The following PCOLCE2 variants were observed in gnomAD, a reference collection of about 807,000 sequenced individuals.
PCOLCE2 encodes the protein procollagen C-proteinase enhancer 2.
In PCOLCE2, 42 loss-of-function variants were observed where a neutral mutation model predicts 47.0. The ratio of observed to expected loss-of-function variants is 0.89; its 90% CI spans 0.70 to 1.16. The LOEUF (loss-of-function observed/expected upper bound fraction) is 1.16. Among genes scored for constraint, PCOLCE2 ranks in the 50% most tolerant of loss-of-function variants. PCOLCE2 has a pLI of 0.00. For missense variants in PCOLCE2, 500 were observed against 526.1 expected (o/e 0.95, Z 0.49); for synonymous variants, 169 against 191.7 (o/e 0.88, Z 0.98).
At chr3:142,865,041 G>A (rs887779422) in intron 2 of PCOLCE2, among the ~76,000 whole-genome samples, 4 of 152,032 alleles carry the variant, frequency 2.6e-5, no homozygotes, top group East Asian at 3.8e-4. Flanking sequence ...TATGGTAAAT[G>A]TTTAACTTTA....
intron 2 of PCOLCE2, among the ~76,000 whole-genome samples, chr3:142,857,501 G>A (rs957112868): frequency 6.6e-6 from 1 of 152,148 alleles, no homozygotes; most frequent in African/African-American, 2.4e-5. Flanking sequence ...GCCCATCCTA[G>A]ATTATTTTAA....
chr3:142,829,688 T>C lies in PCOLCE2; in HGVS notation c.865+4A>G. The C allele has an allele frequency of 6.4e-7, 1 of 1,564,874 alleles. No individual in the cohort carries two copies. Among genetic ancestry groups the C allele is most frequent in the African/African-American group, 1.4e-5 (1 of 73,400 alleles). ...TGCACAAACTTCCAAACAGGAAAACTTACCCGTGGTTACAGGGAATGTGGT... is the reference window on the plus strand; with the variant it reads ...TGCACAAACTTCCAAACAGGAAAACCTACCCGTGGTTACAGGGAATGTGGT... On this transcript the variant is annotated splice_donor_region_variant and intron_variant, in intron 6 of 8. Coordinates refer to ENST00000295992, the MANE Select transcript of PCOLCE2 (RefSeq NM_013363.4).
intron 5 of PCOLCE2, among the ~76,000 whole-genome samples, chr3:142,832,041 C>T (rs772525508): frequency 3.3e-5 from 5 of 152,222 alleles, no homozygotes; most frequent in South Asian, 2.1e-4. Context: ...ATCCCAAGAA[C>T]GGACTGAGAT....
intron 2 of PCOLCE2, among the ~76,000 whole-genome samples, chr3:142,856,320 G>C (rs1933056913): frequency 6.6e-6 from 1 of 152,178 alleles, no homozygotes; most frequent in African/African-American, 2.4e-5. Context: ...TCGAGCCCCT[G>C]TTATCACCTC....
chr3:142,856,563 G>A (rs1382361877), intron 2 of PCOLCE2, among the ~76,000 whole-genome samples: 2 of 152,186 alleles, frequency 1.3e-5, no homozygotes, highest in Admixed American at 1.3e-4. Flanking sequence ...AGTCTGCCAA[G>A]TGGAAAGGCA....
chr3:142,830,775 A>C (rs1937142696), intron 5 of PCOLCE2, among the ~76,000 whole-genome samples: 1 of 152,264 alleles, frequency 6.6e-6, no homozygotes, highest in African/African-American at 2.4e-5. Flanking sequence ...CTGTCTGATT[A>C]ATTCTGTTTA....
chr3:142,860,109 C>T (rs1161670656), intron 2 of PCOLCE2, among the ~76,000 whole-genome samples: 1 of 152,194 alleles, frequency 6.6e-6, no homozygotes, highest in African/African-American at 2.4e-5. Flanking sequence ...TTTTTAACAG[C>T]AATGGGAAAT....
chr3:142,870,648 G>C (rs113836462), intron 2 of PCOLCE2, among the ~76,000 whole-genome samples: 389 of 151,672 alleles, frequency 2.6e-3, no homozygotes, highest in Non-Finnish European at 4.9e-3. Context: ...TGATACACCA[G>C]AGCAAGCCAT....
intron 2 of PCOLCE2, among the ~76,000 whole-genome samples, chr3:142,854,245 G>T (rs527620803): frequency 4.9e-4 from 75 of 151,910 alleles, no homozygotes; most frequent in South Asian, 2.1e-3. Context: ...AATCTTCTAC[G>T]ATTTCCCTCT....
rs192414829 is a variant in PCOLCE2 at position 142,836,133 on chromosome 3, G to A, written c.710+2637C>T. On this transcript the variant is annotated intron_variant, in intron 5 of 8. Coordinates refer to ENST00000295992, the MANE Select transcript of PCOLCE2 (RefSeq NM_013363.4). ...TGACCTGTTTTTTTGGGGACAGTCAGGTAGTGTAAATTCTAACCCCAAATG... is the reference window on the plus strand; with the variant it reads ...TGACCTGTTTTTTTGGGGACAGTCAAGTAGTGTAAATTCTAACCCCAAATG... 1.7e-3 allele frequency among the ~76,000 whole-genome samples: 258 copies of A among 152,338 alleles called. 3 individuals carry two copies. Among genetic ancestry groups the A allele is most frequent in the African/African-American group, 5.8e-3 (240 of 41,576 alleles).
intron 2 of PCOLCE2, among the ~76,000 whole-genome samples, chr3:142,871,884 A>G (rs1224487841): frequency 1.3e-5 from 2 of 152,184 alleles, no homozygotes; most frequent in Non-Finnish European, 2.9e-5. Context: ...ACATTTATAT[A>G]TCTACATCTC....
chr3:142,857,138 T>C (rs1309890728), intron 2 of PCOLCE2, among the ~76,000 whole-genome samples: 2 of 152,190 alleles, frequency 1.3e-5, no homozygotes, highest in Non-Finnish European at 2.9e-5. Flanking sequence ...AACCAGCTGG[T>C]GCGAGCCTGG....
At chr3:142,853,098 GT>G (rs1932984093) in intron 2 of PCOLCE2, among the ~76,000 whole-genome samples, 1 of 132,176 alleles carries the variant, frequency 7.6e-6, no homozygotes, top group Non-Finnish European at 1.6e-5. Context: ...GAGAGACCCT[GT>G]TTAAAAAAAA....
chr3:142,888,980 C>CGCTCACACCGGCAGCAGCGCTG lies in PCOLCE2; in HGVS notation c.-85_-84insCAGCGCTGCTGCCGGTGTGAGC. 1 of 514,054 alleles carries CGCTCACACCGGCAGCAGCGCTG rather than the reference C, an allele frequency of 1.9e-6. No individual in the cohort carries two copies. Among genetic ancestry groups the CGCTCACACCGGCAGCAGCGCTG allele is most frequent in the Non-Finnish European group, 3.2e-6 (1 of 316,242 alleles). The allele number at this position is 514,054 out of a possible 1,614,324, so 31.8% of individuals were successfully genotyped here. A position where few individuals can be genotyped will look rare whatever the true frequency, so the allele number is the denominator to read the frequency against. ...TCCGCACCCACCGCGCTCACACCGCCGCTCACACTGGCAGCAGCGCTGGCT... is the reference window on the plus strand; with the variant it reads ...TCCGCACCCACCGCGCTCACACCGCCGCTCACACCGGCAGCAGCGCTGGCTCACACTGGCAGCAGCGCTGGCT... On this transcript the variant is annotated 5_prime_UTR_variant, in exon 1 of 9. Coordinates refer to ENST00000295992, the MANE Select transcript of PCOLCE2 (RefSeq NM_013363.4).
At chr3:142,854,742 A>G (rs941262873) in intron 2 of PCOLCE2, among the ~76,000 whole-genome samples, 3 of 152,206 alleles carry the variant, frequency 2.0e-5, no homozygotes, top group Non-Finnish European at 1.5e-5. Flanking sequence ...TGCACTTAGA[A>G]TAAAATCTTC....
At chr3:142,860,450 TTTTG>T (rs1328804748) in intron 2 of PCOLCE2, among the ~76,000 whole-genome samples, 2 of 152,146 alleles carry the variant, frequency 1.3e-5, no homozygotes, top group East Asian at 1.9e-4. Context: ...GTTGTTGTTG[TTTTG>T]TTTGATTGCA....
At position 142,823,522 on chromosome 3, in the gene PCOLCE2, T is replaced by C. The variant is rs750063675; in HGVS notation, c.949+10A>G. 1.3e-6 allele frequency: 2 copies of C among 1,555,516 alleles called. No homozygotes were observed. The highest frequency in any genetic ancestry group is 1.7e-5 in the Admixed American group (1 of 58,266). On this transcript the variant is annotated intron_variant, in intron 7 of 8. Transcript: ENST00000295992. ...GGTTAAAGAGAAAAAGACTGGCTTT[T>C]ATTTCTTACCAAAGTCACTTGAACA... is the stretch of plus-strand genomic sequence containing the variant.
intron 2 of PCOLCE2, among the ~76,000 whole-genome samples, chr3:142,850,711 AG>A (rs1258890972): frequency 1.3e-5 from 2 of 152,208 alleles, no homozygotes; most frequent in African/African-American, 4.8e-5. Context: ...ACTGGATAAA[AG>A]GATCATGAGA....
At chr3:142,825,475 C>T (rs1282825556) in intron 6 of PCOLCE2, among the ~76,000 whole-genome samples, 1 of 152,150 alleles carries the variant, frequency 6.6e-6, no homozygotes, top group Non-Finnish European at 1.5e-5. Flanking sequence ...ATCCCGCAGT[C>T]CCCGTGGCCT....
Sources: gnomAD v4.1 joint callset for allele counts (sites outside exome capture counted in the v4.1 genomes callset) on GRCh38, gnomAD v4.1.1 for gene constraint, MANE v1.5 for transcripts, NCBI Gene and HGNC (gene_info 2026-07-23, HGNC 2026-07-21) for gene names.